Variants in ATP5F1A observed in about 807,000 individuals in gnomAD.
ATP5F1A encodes the protein ATP synthase F(1) complex subunit alpha, mitochondrial.
A neutral mutation model predicts 57.4 loss-of-function variants in ATP5F1A; 24 were observed. That is an observed-to-expected ratio of 0.42 (90% CI 0.30 to 0.59). The LOEUF (loss-of-function observed/expected upper bound fraction) is 0.59, where lower values mean the gene tolerates loss of function less well. ATP5F1A is among the 20% of genes least tolerant of loss of function. The pLI is 0.19. For synonymous variants in ATP5F1A, 251 were observed against 255.5 expected, an observed-to-expected ratio of 0.98 and a Z score of 0.17; for missense variants, 494 against 707.9, an observed-to-expected ratio of 0.70 and a Z score of 3.43.
In ATP5F1A at chr18:46,098,186, G is replaced by A. The variant is rs1340511567; in HGVS notation, c.46C>T (p.Arg16Trp). ...VAAAVVRALP[R>W]RAGLVSRNAL... The stretch of plus-strand genomic sequence containing the variant: ...TCGGTGCTCACCAGTCCGGCCCGCC[G>A]AGGAAGGGCGCGGACCACGGCCGCA... The change falls in exon 1 of 12, where the codon CGG becomes TGG. Residue 16 changes from arginine to tryptophan, a missense_variant. By Grantham distance (101) the Arg-to-Trp change is moderately radical. Transcript: ENST00000398752. The A allele has an allele frequency of 2.5e-6, 4 of 1,605,478 alleles. No homozygotes were observed. Among genetic ancestry groups the A allele is most frequent in the African/African-American group, 1.3e-5 (1 of 74,884 alleles).
rs1010492833 is a variant in ATP5F1A, at chr18:46,086,028, C to T, written c.1429+85G>A. On this transcript the variant is annotated intron_variant, in intron 10 of 11. Transcript: ENST00000398752. The stretch of plus-strand genomic sequence containing the variant: ...ACAGATAACAACACGTAGTACAGGC[C>T]GTGATATGTGATGCAGCTCTGTAGG... The T allele has an allele frequency of 5.6e-6, 8 of 1,436,962 alleles. No homozygotes were observed. The East Asian group carries it at 6.9e-5, about 12-fold the overall frequency. 89.0% of individuals were successfully genotyped at this position (1,436,962 alleles called of 1,614,324 possible).
chr18:46,094,190 TAC>T (rs1367050543), intron 2 of ATP5F1A, among the ~76,000 whole-genome samples: 1 of 127,748 alleles, frequency 7.8e-6, no homozygotes, highest in African/African-American at 3.1e-5. Flanking sequence ...CACACACATA[TAC>T]ACACACACTC....
intron 1 of ATP5F1A, among the ~76,000 whole-genome samples, chr18:46,096,907 T>C (rs556706885): frequency 1.5e-5 from 2 of 135,366 alleles, no homozygotes; most frequent in African/African-American, 5.8e-5. Flanking sequence ...CACTTGATCC[T>C]GGGAGGCGGT....
intron 3 of ATP5F1A, among the ~76,000 whole-genome samples, chr18:46,091,138 C>T (rs561483358): frequency 2.0e-5 from 3 of 152,312 alleles, no homozygotes; most frequent in Admixed American, 6.5e-5. Flanking sequence ...CAGTTCCACT[C>T]TCTCTAGTTT....
chr18:46,098,004 C>G, intron 1 of ATP5F1A, 168 bp downstream of exon 1: 1 of 1,413,550 alleles, frequency 7.1e-7, no homozygotes, highest in Non-Finnish European at 9.2e-7. Context: ...AGGTGACGAG[C>G]AAAAGGGCAC....
rs930802513 is a variant in ATP5F1A, at chr18:46,098,211, A to G, written c.21T>C (p.Ala7=). 5.0e-6 allele frequency: 8 copies of G among 1,606,930 alleles called. No homozygotes were observed. In the African/African-American group the frequency reaches 1.1e-4, roughly 21 times the overall value. Residue 7 remains alanine (A), a synonymous_variant, in exon 1 of 12, where the codon GCT becomes GCC. Coordinates refer to ENST00000398752, the MANE Select transcript of ATP5F1A (RefSeq NM_004046.6). MLSVRV[A]AAVVRALPRR... ...GAGGAAGGGCGCGGACCACGGCCGC[A>G]GCAACGCGCACGGACAGCATCTTTG...
upstream of ATP5F1A, among the ~76,000 whole-genome samples, chr18:46,100,250 C>CT (rs1369313991): frequency 1.0e-4 from 2 of 19,416 alleles, 1 homozygote; most frequent in Admixed American, 1.1e-3. Context: ...GAAACTCCAT[C>CT]TAAAAAAAAA....
At chr18:46,098,528 T>G, upstream of ATP5F1A, 2 of 545,070 alleles carry the variant, frequency 3.7e-6, no homozygotes, top group Non-Finnish European at 4.7e-6. Context: ...GTCGACCTTG[T>G]GGTTGCCCCG....
chr18:46,101,785 A>G (rs1288461895), upstream of ATP5F1A, among the ~76,000 whole-genome samples: 1 of 150,544 alleles, frequency 6.6e-6, no homozygotes, highest in Non-Finnish European at 1.5e-5. Flanking sequence ...CCAGCTATTT[A>G]GGAGGCTGAG....
At chr18:46,094,847 G>A (rs1420988537) in intron 2 of ATP5F1A, 4 of 757,400 alleles carry the variant, frequency 5.3e-6, no homozygotes, top group Middle Eastern at 4.5e-4. Context: ...AATATCAAAA[G>A]AAAAATATGT....
At chr18:46,098,105 G>A (rs762145241) in intron 1 of ATP5F1A, 67 bp downstream of exon 1, 5 of 1,533,108 alleles carry the variant, frequency 3.3e-6, no homozygotes, top group Non-Finnish European at 3.5e-6. Flanking sequence ...GAGAGCGCCC[G>A]AGCCGGCGCA....
chr18:46,098,362 A>AGGGGGGGGG, upstream of ATP5F1A: 12 of 1,281,374 alleles, frequency 9.4e-6, no homozygotes, highest in South Asian at 4.0e-5. Flanking sequence ...CCTCGCGTTC[A>AGGGGGGGGG]CCACCTCTCC....
In ATP5F1A at chr18:46,084,314, C is replaced by A; in HGVS notation, c.1630G>T (p.Val544Leu). The A allele has an allele frequency of 6.2e-7, 1 of 1,613,148 alleles. No homozygotes were observed. Among genetic ancestry groups the A allele is most frequent in the Non-Finnish European group, 8.5e-7 (1 of 1,179,940 alleles). ...EQSDAKLKEIVTNFLAGFEA is the reference protein window; with the variant it reads ...EQSDAKLKEILTNFLAGFEA Reference sequence around the variant, plus strand: ...TCAAATCCAGCCAAGAAATTTGTTACAATCTCTTTCAGCTTTGCATCTGAT... The same window carrying A: ...TCAAATCCAGCCAAGAAATTTGTTAAAATCTCTTTCAGCTTTGCATCTGAT... Residue 544 changes from valine to leucine, a missense_variant, in exon 12 of 12, where the codon GTA becomes TTA. This residue lies in a region of ATP5F1A where 127 missense variants were observed against 195.2 expected (regional missense o/e 0.65). Transcript: ENST00000398752.
intron 1 of ATP5F1A, among the ~76,000 whole-genome samples, chr18:46,095,995 T>C (rs1004762701): frequency 7.2e-5 from 11 of 151,858 alleles, no homozygotes; most frequent in African/African-American, 2.7e-4. Flanking sequence ...TTCAAGCGAT[T>C]CTCATGCCTC....
chr18:46,093,813 C>CA (rs896932282), intron 2 of ATP5F1A, among the ~76,000 whole-genome samples: 4 of 149,520 alleles, frequency 2.7e-5, no homozygotes, highest in South Asian at 2.1e-4. Flanking sequence ...AACAGAGTCT[C>CA]AAAAAAAAGG....
intron 8 of ATP5F1A, 112 bp downstream of exon 8, chr18:46,086,893 CATA>C: frequency 8.4e-7 from 1 of 1,184,596 alleles, no homozygotes; most frequent in Non-Finnish European, 1.2e-6. Context: ...TGAAATTTTC[CATA>C]ATAAAAAGTA....
At chr18:46,097,801 A>T (rs1367675562) in intron 1 of ATP5F1A, 1 of 1,063,696 alleles carries the variant, frequency 9.4e-7, no homozygotes, top group African/African-American at 1.7e-5. Context: ...CTTCAGCGGG[A>T]CGCGACCCTA....
In ATP5F1A at chr18:46,087,196, G is replaced by A. The variant is rs938014023; in HGVS notation, c.988C>T (p.Arg330Ter). 5 of 1,614,176 alleles carry A rather than the reference G, an allele frequency of 3.1e-6. No individual in the cohort carries two copies. Among genetic ancestry groups the A allele is most frequent in the Non-Finnish European group, 4.2e-6 (5 of 1,180,036 alleles). The change falls in exon 8 of 12, where the codon CGA (arginine) becomes TGA (stop). Residue 330 changes from arginine to a stop codon, truncating the protein, a stop_gained. Transcript: ENST00000398752. LOFTEE classifies it high-confidence loss of function. ...AYRQMSLLLRRPPGREAYPGD... is the reference protein window; with the variant it reads ...AYRQMSLLLR ...GGATAGGCCTCACGACCAGGGGGTC[G>A]GCGGAGCAACAGAGACATCTGACGG...
upstream of ATP5F1A, among the ~76,000 whole-genome samples, chr18:46,102,271 G>A (rs1490570048): frequency 6.6e-6 from 1 of 152,034 alleles, no homozygotes; most frequent in Non-Finnish European, 1.5e-5. Flanking sequence ...ATACTGAAGG[G>A]CTGCACCAGT....
Sources: allele counts gnomAD v4.1 joint callset (sites outside exome capture counted in the v4.1 genomes callset), GRCh38; gene constraint gnomAD v4.1.1; regional missense constraint gnomAD v4.1.1; transcripts MANE v1.5; gene names NCBI Gene and HGNC (gene_info 2026-07-23, HGNC 2026-07-21).